Variants in HMBOX1 observed in about 807,000 individuals in gnomAD.
HMBOX1 encodes homeobox-containing protein 1.
In HMBOX1, 14 loss-of-function variants were observed where a neutral mutation model predicts 54.5. That is an observed-to-expected ratio of 0.26 (90% CI 0.17 to 0.40). The LOEUF is 0.40. Ranked by LOEUF, HMBOX1 falls within the 10% of genes least tolerant of loss-of-function variation. The probability of loss-of-function intolerance (pLI) is 1.00; values close to 1 mark genes in which losing one functional copy is unlikely to be tolerated. For synonymous variants in HMBOX1, 160 were observed against 181.0 expected, an observed-to-expected ratio of 0.88 and a Z score of 0.93; for missense variants, 332 against 514.4, an observed-to-expected ratio of 0.65 and a Z score of 3.43.
chr8:28,947,315 G>C (rs996269170), intron 1 of HMBOX1, among the ~76,000 whole-genome samples: 8 of 152,178 alleles, frequency 5.3e-5, no homozygotes, highest in African/African-American at 1.9e-4. Context: ...GAATTTGTTA[G>C]ACTTCAGCTT....
intron 6 of HMBOX1, among the ~76,000 whole-genome samples, chr8:29,045,047 G>T (rs537491696): frequency 7.2e-5 from 11 of 152,264 alleles, no homozygotes; most frequent in Admixed American, 3.9e-4. Flanking sequence ...GCAGTATGTA[G>T]ACCTGTTTTG....
At chr8:28,940,926 A>G (rs1821289432) in intron 1 of HMBOX1, among the ~76,000 whole-genome samples, 1 of 152,232 alleles carries the variant, frequency 6.6e-6, no homozygotes, top group African/African-American at 2.4e-5. Context: ...TAATACATGG[A>G]TCATGTTATT....
chr8:29,050,271 T>C (rs2133405061), intron 9 of HMBOX1: 1 of 960,986 alleles, frequency 1.0e-6, no homozygotes, highest in South Asian at 4.8e-5. Flanking sequence ...ACATACCCCT[T>C]ATTTGTAACA....
intron 1 of HMBOX1, among the ~76,000 whole-genome samples, chr8:28,930,746 T>C (rs1235104171): frequency 6.6e-6 from 1 of 152,194 alleles, no homozygotes; most frequent in Admixed American, 6.5e-5. Context: ...TTTTGAAATC[T>C]TACTTTTTGA....
intron 1 of HMBOX1, among the ~76,000 whole-genome samples, chr8:28,941,506 A>T (rs1409672853): frequency 6.6e-6 from 1 of 152,180 alleles, no homozygotes; most frequent in Non-Finnish European, 1.5e-5. Flanking sequence ...TTGCAGAGGA[A>T]AAAAACCTGG....
intron 2 of HMBOX1, among the ~76,000 whole-genome samples, chr8:28,965,285 G>A (rs1826246799): frequency 6.6e-6 from 1 of 152,182 alleles, no homozygotes; most frequent in South Asian, 2.1e-4. Flanking sequence ...CTTTATAAAT[G>A]TGCATGTTTG....
At chr8:28,939,833 G>T (rs1821054509) in intron 1 of HMBOX1, among the ~76,000 whole-genome samples, 1 of 151,906 alleles carries the variant, frequency 6.6e-6, no homozygotes, top group Non-Finnish European at 1.5e-5. Context: ...AAAAACACCA[G>T]CCCTAACCTC....
At chr8:28,973,814 T>TGTTG (rs1827894074) in intron 3 of HMBOX1, among the ~76,000 whole-genome samples, 1 of 20,446 alleles carries the variant, frequency 4.9e-5, no homozygotes, top group African/African-American at 1.4e-4. Context: ...TTTTTTTTTT[T>TGTTG]TTTTTTTTTT....
intron 4 of HMBOX1, among the ~76,000 whole-genome samples, chr8:29,007,615 C>T (rs963703031): frequency 2.6e-5 from 4 of 151,996 alleles, no homozygotes; most frequent in African/African-American, 9.7e-5. Context: ...CCCAGGAGTT[C>T]GAGAGCAGCC....
chr8:28,896,958 A>G (rs972213693), intron 1 of HMBOX1, among the ~76,000 whole-genome samples: 3 of 150,974 alleles, frequency 2.0e-5, no homozygotes, highest in Non-Finnish European at 3.0e-5. Flanking sequence ...TTTTGTTATG[A>G]GAATCTGAAT....
intron 1 of HMBOX1, among the ~76,000 whole-genome samples, chr8:28,959,058 T>C (rs1824998557): frequency 2.0e-5 from 3 of 152,216 alleles, no homozygotes; most frequent in African/African-American, 4.8e-5. Context: ...GTGTATACTA[T>C]GCACAGATTT....
intron 6 of HMBOX1, among the ~76,000 whole-genome samples, chr8:29,021,651 C>G (rs1035771633): frequency 6.6e-6 from 1 of 151,412 alleles, no homozygotes; most frequent in Non-Finnish European, 1.5e-5. Flanking sequence ...GCCAGGAGAT[C>G]GAGAGCATCC....
chr8:28,941,718 T>TA lies in HMBOX1; in HGVS notation c.-57-22084dup, dbSNP rs200081780. Among the ~76,000 whole-genome samples, 305 of 151,892 alleles carry TA rather than the reference T, an allele frequency of 2.0e-3. 2 individuals are homozygous for TA. The East Asian group carries it at 0.024, about 12-fold the overall frequency. ...TGTTCAGTGAGCAGTAGCCTAAGTTTAAAAAAAAATTCAGTAAGAATTTCC... is the reference window on the plus strand; with the variant it reads ...TGTTCAGTGAGCAGTAGCCTAAGTTTAAAAAAAAAATTCAGTAAGAATTTCC... On this transcript the variant is annotated intron_variant, in intron 1 of 9. Transcript: ENST00000287701.
intron 1 of HMBOX1, among the ~76,000 whole-genome samples, chr8:28,898,074 T>C (rs1488634911): frequency 6.6e-6 from 1 of 152,224 alleles, no homozygotes; most frequent in Non-Finnish European, 1.5e-5. Flanking sequence ...GATGAGGCTG[T>C]TAATCCAATA....
chr8:29,047,506 G>A (rs1805741588), intron 8 of HMBOX1, 53 bp downstream of exon 8: 1 of 803,020 alleles, frequency 1.2e-6, no homozygotes, highest in African/African-American at 1.8e-5. Flanking sequence ...TGAACGTCAT[G>A]TTTATATTAA....
At position 28,926,327 on chromosome 8, in the gene HMBOX1, A is replaced by AT. The variant is rs536629996; in HGVS notation, c.-58+35653dup. On this transcript the variant is annotated intron_variant, in intron 1 of 9. Coordinates refer to ENST00000287701, the MANE Select transcript of HMBOX1 (RefSeq NM_001135726.3). ...TATACACACACACACACACACATAT[A>AT]TTTTAGATACATAAAATACAAATAT... Among the ~76,000 whole-genome samples, 29 of 152,064 alleles carry AT rather than the reference A, an allele frequency of 1.9e-4. No individual in the cohort carries two copies. The East Asian group carries it at 5.4e-3, about 28-fold the overall frequency.
chr8:28,957,842 C>G (rs1181590517), intron 1 of HMBOX1, among the ~76,000 whole-genome samples: 5 of 152,026 alleles, frequency 3.3e-5, no homozygotes, highest in African/African-American at 2.4e-5. Context: ...AGGCTGGTCT[C>G]GAGCTCTTGA....
At chr8:29,014,687 T>TC (rs1364296417) in intron 5 of HMBOX1, among the ~76,000 whole-genome samples, 3 of 152,124 alleles carry the variant, frequency 2.0e-5, no homozygotes, top group African/African-American at 7.2e-5. Flanking sequence ...TTCTTTTTTT[T>TC]CCCCCACCCC....
At chr8:28,895,616 A>G (rs1305937420) in intron 1 of HMBOX1, among the ~76,000 whole-genome samples, 1 of 151,972 alleles carries the variant, frequency 6.6e-6, no homozygotes, top group African/African-American at 2.4e-5. Flanking sequence ...TGGAGGTTGT[A>G]GTGAGCTGAG....
Sources: gnomAD v4.1 joint callset for allele counts (sites outside exome capture counted in the v4.1 genomes callset) on GRCh38, gnomAD v4.1.1 for gene constraint, MANE v1.5 for transcripts, NCBI Gene and HGNC (gene_info 2026-07-23, HGNC 2026-07-21) for gene names.